The following LINGO2 variants were observed in gnomAD, a reference collection of about 807,000 sequenced individuals.
The protein encoded by LINGO2 is leucine rich repeat and Ig domain containing 2.
LINGO2 carries 14 observed loss-of-function variants against 30.6 expected under a neutral mutation model. The observed-to-expected ratio is 0.46, with a 90% CI of 0.30 to 0.72. The LOEUF (loss-of-function observed/expected upper bound fraction) is 0.72. Ranked by LOEUF, LINGO2 falls within the 30% of genes least tolerant of loss-of-function variation. The probability of loss-of-function intolerance (pLI) is 0.07; values close to 1 mark genes in which losing one functional copy is unlikely to be tolerated. For synonymous variants in LINGO2, 317 were observed against 288.5 expected (o/e 1.10, Z -1.00); for missense variants, 729 against 751.7 (o/e 0.97, Z 0.35).
chr9:28,611,803 A>ATTTATTTTAT (rs149970471), intron 1 of LINGO2, among the ~76,000 whole-genome samples: 1 of 148,530 alleles, frequency 6.7e-6, no homozygotes, highest in African/African-American at 2.6e-5. Context: ...TTATTTATGT[A>ATTTATTTTAT]TTTATTTTAT....
the LINGO2 span, among the ~76,000 whole-genome samples, chr9:28,984,423 C>CT: frequency 5.9e-5 from 9 of 151,532 alleles, no homozygotes; most frequent in Non-Finnish European, 7.4e-5. Context: ...AATTTTATCA[C>CT]TTTTTTTTTC....
At chr9:28,476,270 ATTATTTAT>A (rs903276967) in intron 1 of LINGO2, among the ~76,000 whole-genome samples, 1 of 151,986 alleles carries the variant, frequency 6.6e-6, no homozygotes, top group Non-Finnish European at 1.5e-5. Flanking sequence ...TAATCATTAA[ATTATTTAT>A]TTATTTATTT....
At chr9:29,199,561 C>T in the LINGO2 span, among the ~76,000 whole-genome samples, 13 of 152,100 alleles carry the variant, frequency 8.5e-5, no homozygotes, top group African/African-American at 2.9e-4. Context: ...AGCATAGAGG[C>T]GAACTGGGAG....
At chr9:28,693,163 G>C in the LINGO2 span, among the ~76,000 whole-genome samples, 1 of 152,034 alleles carries the variant, frequency 6.6e-6, no homozygotes, top group Non-Finnish European at 1.5e-5. Context: ...CATAATCCAA[G>C]CGTCAACGTT....
chr9:28,620,729 G>T (rs1438230138), intron 1 of LINGO2, among the ~76,000 whole-genome samples: 2 of 152,034 alleles, frequency 1.3e-5, no homozygotes, highest in African/African-American at 4.8e-5. Flanking sequence ...CAGATGAACA[G>T]AAAACCAAAC....
chr9:28,731,212 C>T, the LINGO2 span, among the ~76,000 whole-genome samples: 2 of 152,178 alleles, frequency 1.3e-5, no homozygotes, highest in East Asian at 3.9e-4. Context: ...TGGTCTTGAA[C>T]TCCCAACCTC....
At chr9:28,827,074 C>A in the LINGO2 span, among the ~76,000 whole-genome samples, 1 of 152,230 alleles carries the variant, frequency 6.6e-6, no homozygotes, top group South Asian at 2.1e-4. Flanking sequence ...CCCATTAATA[C>A]TTTTTAAAAA....
intron 5 of LINGO2, among the ~76,000 whole-genome samples, chr9:28,005,520 A>G (rs982103852): frequency 1.3e-5 from 2 of 151,940 alleles, no homozygotes; most frequent in African/African-American, 2.4e-5. Flanking sequence ...ATATCCTAAG[A>G]CACTTGGTAT....
chr9:28,440,023 T>A (rs1824127201), intron 2 of LINGO2, among the ~76,000 whole-genome samples: 1 of 152,192 alleles, frequency 6.6e-6, no homozygotes, highest in Non-Finnish European at 1.5e-5. Context: ...AAATTTGGTG[T>A]TATTTTTCAC....
chr9:28,493,114 T>C (rs531318937), intron 1 of LINGO2, among the ~76,000 whole-genome samples: 2 of 152,272 alleles, frequency 1.3e-5, no homozygotes, highest in African/African-American at 4.8e-5. Flanking sequence ...AGTCCTTAGT[T>C]TGTGGCGTTT....
chr9:28,530,831 G>C (rs941133930), intron 1 of LINGO2, among the ~76,000 whole-genome samples: 1 of 151,800 alleles, frequency 6.6e-6, no homozygotes, highest in African/African-American at 2.4e-5. Context: ...TATGTGTACT[G>C]TATTGAATAT....
chr9:28,117,333 T>G (rs1432494319), intron 4 of LINGO2, among the ~76,000 whole-genome samples: 2 of 143,812 alleles, frequency 1.4e-5, no homozygotes, highest in South Asian at 4.6e-4. Context: ...ACAGGGACAT[T>G]TAAGTCTGCA....
At chr9:28,787,102 A>C in the LINGO2 span, among the ~76,000 whole-genome samples, 2 of 152,146 alleles carry the variant, frequency 1.3e-5, no homozygotes, top group African/African-American at 4.8e-5. Flanking sequence ...TGTTGCTTAG[A>C]ATAGTTGTAA....
rs541066294 is a variant in LINGO2, at chr9:28,047,825, A to G, written c.-86-35420T>C. Among the ~76,000 whole-genome samples the G allele has an allele frequency of 2.6e-5, 4 of 151,012 alleles. 1 individual carries two copies. The highest frequency in any genetic ancestry group is 2.1e-4 in the South Asian group (1 of 4,712). ...GTATTTTTTTTACAGAAACCTATAAATCTTCAGAAGAATAAAGGTAGGTAT... is the reference window on the plus strand; with the variant it reads ...GTATTTTTTTTACAGAAACCTATAAGTCTTCAGAAGAATAAAGGTAGGTAT... On this transcript the variant is annotated intron_variant, in intron 4 of 5. Transcript: ENST00000379992.
chr9:28,039,665 A>T (rs774226278), intron 4 of LINGO2, among the ~76,000 whole-genome samples: 2 of 152,134 alleles, frequency 1.3e-5, no homozygotes, highest in Non-Finnish European at 2.9e-5. Flanking sequence ...GAAAATCTTT[A>T]TATCTTTATG....
At chr9:28,200,961 GT>G in intron 4 of LINGO2, among the ~76,000 whole-genome samples, 1 of 150,006 alleles carries the variant, frequency 6.7e-6, no homozygotes, top group East Asian at 1.9e-4. Context: ...TCCTGACCTG[GT>G]TACTAACTTT....
chr9:29,128,992 A>G, the LINGO2 span, among the ~76,000 whole-genome samples: 8 of 152,240 alleles, frequency 5.3e-5, no homozygotes, highest in East Asian at 1.5e-3. Flanking sequence ...TGTCTTTAGA[A>G]TTGTCAGCAT....
chr9:28,818,487 C>G, the LINGO2 span, among the ~76,000 whole-genome samples: 1 of 152,122 alleles, frequency 6.6e-6, no homozygotes, highest in Non-Finnish European at 1.5e-5. Context: ...TGGGTTCAAG[C>G]AATTCTCCTG....
chr9:29,069,267 T>C, the LINGO2 span, among the ~76,000 whole-genome samples: 1 of 152,012 alleles, frequency 6.6e-6, no homozygotes, highest in Non-Finnish European at 1.5e-5. Context: ...AAATAAATAC[T>C]GTCATCATAA....
Sources: allele counts gnomAD v4.1 joint callset (sites outside exome capture counted in the v4.1 genomes callset), GRCh38; gene constraint gnomAD v4.1.1; transcripts MANE v1.5; gene names NCBI Gene and HGNC (gene_info 2026-07-23, HGNC 2026-07-21).